The following AUTS2 variants were observed in gnomAD, a reference collection of about 807,000 sequenced individuals.
AUTS2 encodes the protein activator of transcription and developmental regulator AUTS2.
AUTS2 carries 17 observed loss-of-function variants against 112.4 expected under a neutral mutation model. That is an observed-to-expected ratio of 0.15 (90% confidence interval 0.10 to 0.23). The LOEUF (loss-of-function observed/expected upper bound fraction) is 0.23, where lower values mean the gene tolerates loss of function less well. Among genes scored for constraint, AUTS2 ranks in the 10% least tolerant of loss-of-function variants. The pLI is 1.00. For missense variants in AUTS2, 1,510 were observed against 1,701.6 expected (o/e 0.89, Z 1.98); for synonymous variants, 751 against 702.7 (o/e 1.07, Z -1.09).
At position 69,832,677 on chromosome 7, in the gene AUTS2, C is replaced by A. The variant is rs200722208; in HGVS notation, c.310-66609C>A. On this transcript the variant is annotated intron_variant, in intron 1 of 18. Transcript: ENST00000342771. ...AACAGGCTAAGAGAATAATTACAGA[C>A]CTATTTAGGAAATCTAGTTCTTGGT... is the stretch of plus-strand genomic sequence containing the variant. 8.9e-3 allele frequency among the ~76,000 whole-genome samples: 1,351 copies of A among 152,262 alleles called. 23 individuals carry two copies. The highest frequency in any genetic ancestry group is 0.031 in the African/African-American group (1,287 of 41,540).
At chr7:70,108,316 C>T (rs538486555) in intron 2 of AUTS2, among the ~76,000 whole-genome samples, 2 of 152,202 alleles carry the variant, frequency 1.3e-5, no homozygotes, top group South Asian at 4.1e-4. Flanking sequence ...TCTAGATGCT[C>T]ATAATTATTC....
At chr7:70,375,958 A>G (rs1164032831) in intron 4 of AUTS2, among the ~76,000 whole-genome samples, 1 of 152,170 alleles carries the variant, frequency 6.6e-6, no homozygotes, top group Non-Finnish European at 1.5e-5. Context: ...CAATCTTGAA[A>G]TAATGGCCAG....
At chr7:69,623,001 G>A (rs765949704) in intron 1 of AUTS2, among the ~76,000 whole-genome samples, 6 of 152,178 alleles carry the variant, frequency 3.9e-5, no homozygotes, top group Non-Finnish European at 7.4e-5. Context: ...CCTAGGCTGT[G>A]TTACATTTTT....
At chr7:70,658,293 G>C (rs1585454049) in intron 5 of AUTS2, among the ~76,000 whole-genome samples, 1 of 152,302 alleles carries the variant, frequency 6.6e-6, no homozygotes, top group South Asian at 2.1e-4. Context: ...ACTGTCTAGG[G>C]CACTAGGGGT....
intron 5 of AUTS2, among the ~76,000 whole-genome samples, chr7:70,662,221 G>A (rs141963675): frequency 6.6e-6 from 1 of 152,368 alleles, no homozygotes; most frequent in East Asian, 1.9e-4. Context: ...CACAGTGGCA[G>A]CGTGCTTTGG....
chr7:70,115,895 C>G (rs537899238), intron 2 of AUTS2, among the ~76,000 whole-genome samples: 14 of 152,142 alleles, frequency 9.2e-5, no homozygotes, highest in Admixed American at 4.6e-4. Context: ...TAAAAAACAT[C>G]TTGACATCAG....
At chr7:70,452,184 C>G (rs1271521899) in intron 5 of AUTS2, among the ~76,000 whole-genome samples, 1 of 151,998 alleles carries the variant, frequency 6.6e-6, no homozygotes, top group Non-Finnish European at 1.5e-5. Context: ...ATTATATGGC[C>G]CATAATAGTA....
Position 69,968,304 on chromosome 7 carries a change from G to A in AUTS2, c.522+68806G>A, listed in dbSNP as rs571373773. 2.0e-5 allele frequency among the ~76,000 whole-genome samples: 3 copies of A among 152,260 alleles called. No individual in the cohort carries two copies. In the East Asian group the frequency reaches 5.8e-4, roughly 29 times the overall value. ...AAGGTTGTCTGACCATATATGAGAT[G>A]ATCTCTTTACTGTCTGTCAGGGGAT... On this transcript the variant is annotated intron_variant, in intron 2 of 18. Transcript: ENST00000342771.
intron 2 of AUTS2, 74 bp from the exon 3 acceptor site, chr7:70,118,058 G>T: frequency 6.7e-7 from 1 of 1,495,968 alleles, no homozygotes; most frequent in Non-Finnish European, 8.9e-7. Flanking sequence ...GTTCACTCTT[G>T]ACAAGGATCA....
intron 4 of AUTS2, among the ~76,000 whole-genome samples, chr7:70,294,622 A>T (rs1240941593): frequency 1.3e-5 from 2 of 152,208 alleles, no homozygotes; most frequent in Admixed American, 6.5e-5. Context: ...TCCTAGCATG[A>T]TCGTTTTTCC....
intron 5 of AUTS2, among the ~76,000 whole-genome samples, chr7:70,515,882 A>G (rs1799395871): frequency 6.6e-6 from 1 of 152,182 alleles, no homozygotes; most frequent in Admixed American, 6.5e-5. Flanking sequence ...GATTTGAAAT[A>G]TTTCAGCAGT....
chr7:70,449,490 A>G (rs1034962684), intron 5 of AUTS2, among the ~76,000 whole-genome samples: 2 of 152,170 alleles, frequency 1.3e-5, no homozygotes, highest in African/African-American at 4.8e-5. Flanking sequence ...GCCTCTGTAC[A>G]TGGTGCTGGA....
At chr7:70,503,693 A>AT (rs928256208) in intron 5 of AUTS2, among the ~76,000 whole-genome samples, 2 of 151,452 alleles carry the variant, frequency 1.3e-5, no homozygotes, top group African/African-American at 4.8e-5. Flanking sequence ...AATGTTTTAA[A>AT]TTTTTTGTAG....
At chr7:69,853,802 C>T (rs1370432093) in intron 1 of AUTS2, among the ~76,000 whole-genome samples, 3 of 152,098 alleles carry the variant, frequency 2.0e-5, no homozygotes, top group Non-Finnish European at 2.9e-5. Context: ...ACATCTGTTC[C>T]ATCTTTCTGG....
intron 5 of AUTS2, among the ~76,000 whole-genome samples, chr7:70,629,947 T>A (rs1436412606): frequency 6.6e-6 from 1 of 152,178 alleles, no homozygotes; most frequent in Non-Finnish European, 1.5e-5. Context: ...TTTCAATTAA[T>A]GGATCATTTA....
chr7:69,892,921 T>C (rs1000345975), intron 1 of AUTS2, among the ~76,000 whole-genome samples: 8 of 152,206 alleles, frequency 5.3e-5, no homozygotes, highest in African/African-American at 1.9e-4. Context: ...TCTGGACTAT[T>C]CTGTTCCTTT....
At chr7:69,850,296 A>AAAAAAC (rs549110306) in intron 1 of AUTS2, among the ~76,000 whole-genome samples, 31 of 150,130 alleles carry the variant, frequency 2.1e-4, no homozygotes, top group African/African-American at 6.0e-4. Flanking sequence ...CTCTGTCTCA[A>AAAAAAC]AAAAACAAAA....
intron 2 of AUTS2, among the ~76,000 whole-genome samples, chr7:69,966,563 G>A (rs1797642996): frequency 1.3e-5 from 2 of 152,028 alleles, no homozygotes; most frequent in African/African-American, 4.8e-5. Context: ...ATTCCAAATG[G>A]GTCTTAATTA....
chr7:70,617,729 G>A (rs1438323008), intron 5 of AUTS2, among the ~76,000 whole-genome samples: 6 of 152,110 alleles, frequency 3.9e-5, no homozygotes, highest in Admixed American at 6.5e-5. Flanking sequence ...AGGAAGGGGA[G>A]AGTTGGAAAA....
Sources: allele counts gnomAD v4.1 joint callset (sites outside exome capture counted in the v4.1 genomes callset), GRCh38; gene constraint gnomAD v4.1.1; transcripts MANE v1.5; gene names NCBI Gene and HGNC (gene_info 2026-07-23, HGNC 2026-07-21).